Variants in CSGALNACT1 observed in about 807,000 individuals in gnomAD.
CSGALNACT1 encodes chondroitin sulfate N-acetylgalactosaminyltransferase 1.
CSGALNACT1 carries 52 observed loss-of-function variants against 51.0 expected under a neutral mutation model. The observed-to-expected ratio is 1.02, with a 90% confidence interval of 0.82 to 1.29. The LOEUF (loss-of-function observed/expected upper bound fraction) is 1.29. Among genes scored for constraint, CSGALNACT1 ranks in the 50% most tolerant of loss-of-function variants. The probability of loss-of-function intolerance (pLI) is 0.00; values close to 1 mark genes in which losing one functional copy is unlikely to be tolerated. For synonymous variants in CSGALNACT1, 341 were observed against 254.4 expected, an observed-to-expected ratio of 1.34 and a Z score of -3.24; for missense variants, 935 against 679.2, an observed-to-expected ratio of 1.38 and a Z score of -4.19.
In CSGALNACT1 at chr8:19,527,819, A is replaced by C. The variant is rs2082000832; in HGVS notation, c.-296-21689T>G. The stretch of plus-strand genomic sequence containing the variant: ...GTGTGGGCTTAGACAAGTTAAGCTC[A>C]AGTGCCTCTGAAGCATCCAGGCGGA... On this transcript the variant is annotated intron_variant, in intron 3 of 9. Coordinates refer to ENST00000454498, the Ensembl canonical transcript of CSGALNACT1. 2.0e-5 allele frequency among the ~76,000 whole-genome samples: 3 copies of C among 152,290 alleles called. No individual in the cohort carries two copies. The East Asian group carries it at 5.8e-4, about 29-fold the overall frequency.
intron 4 of CSGALNACT1, among the ~76,000 whole-genome samples, chr8:19,485,878 T>C (rs1368983213): frequency 6.7e-6 from 1 of 149,866 alleles, no homozygotes; most frequent in Non-Finnish European, 1.5e-5. Flanking sequence ...GCAAATCTTC[T>C]GCCTCAACTT....
chr8:19,414,140 A>G (rs890145384), intron 8 of CSGALNACT1, among the ~76,000 whole-genome samples: 1 of 152,216 alleles, frequency 6.6e-6, no homozygotes, highest in African/African-American at 2.4e-5. Context: ...GGCAAATGCT[A>G]TAAATCAGGT....
intron 3 of CSGALNACT1, among the ~76,000 whole-genome samples, chr8:19,549,888 T>C (rs1434752482): frequency 6.6e-6 from 1 of 152,138 alleles, no homozygotes. Flanking sequence ...CCACTGTTGC[T>C]AAGAAGTCAG....
At chr8:19,513,436 C>CTCTATATATATATATATATATATA in intron 3 of CSGALNACT1, among the ~76,000 whole-genome samples, 30 of 81,964 alleles carry the variant, frequency 3.7e-4, no homozygotes, top group Admixed American at 5.2e-4. Flanking sequence ...CTCTCTCTCT[C>CTCTATATATATATATATATATATA]TATATATATA....
intron 3 of CSGALNACT1, among the ~76,000 whole-genome samples, chr8:19,561,863 A>C (rs370821159): frequency 5.9e-5 from 9 of 152,188 alleles, no homozygotes; most frequent in African/African-American, 1.7e-4. Context: ...GGTAAGAGGT[A>C]AGAGGAACAC....
intron 6 of CSGALNACT1, among the ~76,000 whole-genome samples, chr8:19,428,041 TCTC>T (rs917393959): frequency 2.6e-4 from 39 of 152,222 alleles, no homozygotes; most frequent in Admixed American, 1.9e-3. Context: ...CCTTCCTCCT[TCTC>T]CTCTGGATCC....
At chr8:19,630,100 G>A (rs2055012186) in intron 1 of CSGALNACT1, among the ~76,000 whole-genome samples, 2 of 152,018 alleles carry the variant, frequency 1.3e-5, no homozygotes, top group African/African-American at 4.8e-5. Flanking sequence ...GCCAACACGG[G>A]CCGAATGAAG....
intron 2 of CSGALNACT1, among the ~76,000 whole-genome samples, chr8:19,600,376 A>C (rs1474084673): frequency 2.0e-5 from 3 of 152,240 alleles, no homozygotes; most frequent in Admixed American, 1.3e-4. Context: ...CACCGCACCC[A>C]GCCTACTTCT....
intron 5 of CSGALNACT1, among the ~76,000 whole-genome samples, chr8:19,452,951 C>G (rs919820989): frequency 9.2e-5 from 14 of 152,086 alleles, no homozygotes; most frequent in Non-Finnish European, 4.4e-5. Flanking sequence ...ACCCTGTCCT[C>G]AAAATATGCA....
In CSGALNACT1 at chr8:19,516,610, A is replaced by T. The variant is rs112704328; in HGVS notation, c.-296-10480T>A. Among the ~76,000 whole-genome samples, 961 of 152,242 alleles carry T rather than the reference A, an allele frequency of 6.3e-3. 7 individuals carry two copies. The highest frequency in any genetic ancestry group is 0.019 in the African/African-American group (797 of 41,544). ...CACACTATCCTGACAAATAATCCCC[A>T]TCCCGGTGTGAGCCTTGCTCTGTCC... On this transcript the variant is annotated intron_variant, in intron 3 of 9. Transcript: ENST00000454498.
At chr8:19,491,061 A>G (rs2074259634) in intron 4 of CSGALNACT1, among the ~76,000 whole-genome samples, 1 of 148,888 alleles carries the variant, frequency 6.7e-6, no homozygotes, top group African/African-American at 2.5e-5. Context: ...AAAACACAGC[A>G]TCACTCATAA....
chr8:19,635,028 A>C (rs2055836349), intron 1 of CSGALNACT1, among the ~76,000 whole-genome samples: 2 of 152,226 alleles, frequency 1.3e-5, no homozygotes, highest in African/African-American at 2.4e-5. Context: ...TTTTAAGTAA[A>C]TGTTGTACGT....
In CSGALNACT1 at chr8:19,505,777, C is replaced by G. The variant is rs1254353320; in HGVS notation, c.58G>C (p.Val20Leu). The change falls in exon 4 of 10, where the codon GTG becomes CTG. Residue 20 changes from valine to leucine, a missense_variant. Physicochemically the swap from Val to Leu is conservative, Grantham distance 32. Coordinates refer to ENST00000454498, the Ensembl canonical transcript of CSGALNACT1. The stretch of plus-strand genomic sequence containing the variant: ...ACAGAGATAGCACAGCAGAGGAGCA[C>G]CAGCAAAACCACCACCCGGGAAATC... 4 of 1,613,854 alleles carry G rather than the reference C, an allele frequency of 2.5e-6. No homozygotes were observed. In the African/African-American group the frequency reaches 4.0e-5, roughly 16 times the overall value.
intron 4 of CSGALNACT1, among the ~76,000 whole-genome samples, chr8:19,497,683 T>A (rs985192861): frequency 6.6e-6 from 1 of 152,188 alleles, no homozygotes; most frequent in African/African-American, 2.4e-5. Context: ...CTAAAAATCC[T>A]GGATCATTCT....
At chr8:19,526,155 C>G (rs934377844) in intron 3 of CSGALNACT1, among the ~76,000 whole-genome samples, 3 of 152,200 alleles carry the variant, frequency 2.0e-5, no homozygotes, top group Admixed American at 1.3e-4. Flanking sequence ...ACCCACCTCT[C>G]TCATGAAATC....
chr8:19,686,927 C>T (rs575542069), upstream of CSGALNACT1, among the ~76,000 whole-genome samples: 78 of 152,300 alleles, frequency 5.1e-4, no homozygotes, highest in African/African-American at 1.8e-3. Flanking sequence ...AACAGTTTAA[C>T]GTAATGGTTC....
At chr8:19,498,594 C>T (rs764191023) in intron 4 of CSGALNACT1, among the ~76,000 whole-genome samples, 1 of 152,130 alleles carries the variant, frequency 6.6e-6, no homozygotes, top group South Asian at 2.1e-4. Context: ...TGAGTCTTTC[C>T]ATCTCCCCTC....
intron 1 of CSGALNACT1, among the ~76,000 whole-genome samples, chr8:19,617,138 C>G (rs1463806541): frequency 6.6e-6 from 1 of 152,158 alleles, no homozygotes; most frequent in Non-Finnish European, 1.5e-5. Flanking sequence ...GAGCGCACAA[C>G]CTAGATCCTT....
At chr8:19,667,091 GA>G (rs2059437059) in intron 1 of CSGALNACT1, among the ~76,000 whole-genome samples, 1 of 122,930 alleles carries the variant, frequency 8.1e-6, no homozygotes, top group African/African-American at 3.1e-5. Context: ...AAGAAAGAAA[GA>G]AAGAAAGGGA....
Sources: gnomAD v4.1 joint callset for allele counts (sites outside exome capture counted in the v4.1 genomes callset) on GRCh38, gnomAD v4.1.1 for gene constraint, MANE v1.5 for transcripts, NCBI Gene and HGNC (gene_info 2026-07-23, HGNC 2026-07-21) for gene names.